The following DRC9 variants were observed in gnomAD, a reference collection of about 807,000 sequenced individuals.
The protein encoded by DRC9 is dynein regulatory complex subunit 9, also known as dynein regulatory complex protein 9.
At chr3:197,926,895 T>G in the DRC9 span, among the ~76,000 whole-genome samples, 1 of 152,170 alleles carries the variant, frequency 6.6e-6, no homozygotes, top group Non-Finnish European at 1.5e-5. Flanking sequence ...TGATAAAATC[T>G]TTGCATGAAT....
At chr3:197,953,599 C>T in the DRC9 span, 1 of 458,238 alleles carries the variant, frequency 2.2e-6, no homozygotes, top group South Asian at 1.5e-5. Context: ...TTTCCCCTCC[C>T]TTTCCAGTCT....
chr3:197,942,367 G>A, the DRC9 span, among the ~76,000 whole-genome samples: 4 of 104,406 alleles, frequency 3.8e-5, no homozygotes, highest in Non-Finnish European at 6.9e-5. Context: ...CTGGGCAACA[G>A]AGCGAGACTC....
chr3:197,912,530 C>T, the DRC9 span: 8 of 681,936 alleles, frequency 1.2e-5, no homozygotes, highest in Admixed American at 7.1e-5. Flanking sequence ...TATTCAGATG[C>T]ATAACCCTGA....
chr3:197,912,948 T>C, the DRC9 span: 15 of 577,564 alleles, frequency 2.6e-5, no homozygotes, highest in Non-Finnish European at 4.3e-5. Context: ...CGTGTGTCCC[T>C]AACGAGACGA....
chr3:197,911,953 CT>C, the DRC9 span, among the ~76,000 whole-genome samples: 1 of 149,454 alleles, frequency 6.7e-6, no homozygotes, highest in Non-Finnish European at 1.5e-5. Flanking sequence ...ATTTATTTTT[CT>C]TTTTTATTTA....
the DRC9 span, among the ~76,000 whole-genome samples, chr3:197,938,186 G>A: frequency 5.0e-3 from 758 of 151,750 alleles, 12 homozygotes; most frequent in African/African-American, 0.018. Flanking sequence ...GCATGGTGGC[G>A]TGCACCTGTA....
chr3:197,902,789 T>C, the DRC9 span, among the ~76,000 whole-genome samples: 1 of 152,172 alleles, frequency 6.6e-6, no homozygotes, highest in Non-Finnish European at 1.5e-5. Context: ...ATGCACTCCC[T>C]ATCAAAATAC....
chr3:197,930,736 G>GAAAAA, the DRC9 span, among the ~76,000 whole-genome samples: 1 of 94,242 alleles, frequency 1.1e-5, no homozygotes. Context: ...CTCAGTCTCA[G>GAAAAA]AAAAAAAAAA....
chr3:197,903,866 T>C, the DRC9 span, among the ~76,000 whole-genome samples: 1 of 151,478 alleles, frequency 6.6e-6, no homozygotes, highest in East Asian at 1.9e-4. Context: ...TCCCAGCACT[T>C]TGGGAGGCCT....
chr3:197,954,024 C>T, the DRC9 span: 1 of 1,613,302 alleles, frequency 6.2e-7, no homozygotes, highest in Non-Finnish European at 8.5e-7. Context: ...CTCCTGGCGG[C>T]AAACCAAACA....
At chr3:197,907,068 C>T in the DRC9 span, among the ~76,000 whole-genome samples, 2 of 152,208 alleles carry the variant, frequency 1.3e-5, no homozygotes, top group Non-Finnish European at 2.9e-5. Flanking sequence ...CCCAATTATC[C>T]GGAGGCACTT....
chr3:197,892,675 C>T, the DRC9 span: 1 of 1,614,176 alleles, frequency 6.2e-7, no homozygotes, highest in African/African-American at 1.3e-5. Flanking sequence ...GCCTTTGTGG[C>T]TTTGAGAGCA....
the DRC9 span, among the ~76,000 whole-genome samples, chr3:197,952,961 C>G: frequency 1.3e-5 from 2 of 151,338 alleles, no homozygotes; most frequent in African/African-American, 4.9e-5. Context: ...CCACCACACC[C>G]GGCTAACTTT....
the DRC9 span, chr3:197,914,043 CTG>C: frequency 5.6e-6 from 9 of 1,613,578 alleles, no homozygotes; most frequent in African/African-American, 5.3e-5. Flanking sequence ...CATTCTGACT[CTG>C]TAGTGGAAAG....
At chr3:197,924,681 G>A in the DRC9 span, among the ~76,000 whole-genome samples, 5 of 152,178 alleles carry the variant, frequency 3.3e-5, no homozygotes, top group East Asian at 3.9e-4. Context: ...CACCACACCC[G>A]GCTAATTTTT....
chr3:197,912,792 T>C, the DRC9 span: 1 of 1,518,024 alleles, frequency 6.6e-7, no homozygotes, highest in South Asian at 1.1e-5. Context: ...CCCGCAGGGC[T>C]GGGAATCAGA....
the DRC9 span, among the ~76,000 whole-genome samples, chr3:197,939,744 CT>C: frequency 1.4e-3 from 207 of 145,460 alleles, no homozygotes; most frequent in Admixed American, 1.4e-3. Flanking sequence ...GCTCCACTGT[CT>C]TTTTTTTTTT....
At chr3:197,908,597 A>C in the DRC9 span, among the ~76,000 whole-genome samples, 1 of 143,430 alleles carries the variant, frequency 7.0e-6, no homozygotes, top group African/African-American at 2.7e-5. Flanking sequence ...AACCCTTTCC[A>C]AGGCACCCTC....
chr3:197,925,959 G>A, the DRC9 span: 1 of 841,640 alleles, frequency 1.2e-6, no homozygotes, highest in African/African-American at 1.7e-5. Context: ...TGAGAAAGAT[G>A]GCTTCCATAT....
Sources: allele counts gnomAD v4.1 joint callset (sites outside exome capture counted in the v4.1 genomes callset), GRCh38; gene constraint gnomAD v4.1.1; transcripts MANE v1.5; gene names NCBI Gene and HGNC (gene_info 2026-07-23, HGNC 2026-07-21).